The following KIAA1958 variants were observed in gnomAD, a reference collection of about 807,000 sequenced individuals.
KIAA1958 encodes KIAA1958.
A neutral mutation model predicts 47.2 loss-of-function variants in KIAA1958; 14 were observed. The observed-to-expected ratio is 0.30, with a 90% CI of 0.20 to 0.46. The LOEUF is 0.46. Ranked by LOEUF, KIAA1958 falls within the 20% of genes least tolerant of loss-of-function variation. KIAA1958 has a pLI of 1.00. For missense variants in KIAA1958, 803 were observed against 909.2 expected (o/e 0.88, Z 1.50); for synonymous variants, 354 against 353.3 (o/e 1.00, Z -0.02).
intron 2 of KIAA1958, among the ~76,000 whole-genome samples, chr9:112,643,070 G>A (rs942086009): frequency 2.0e-5 from 3 of 152,208 alleles, no homozygotes; most frequent in African/African-American, 7.2e-5. Flanking sequence ...AACAAAGCAG[G>A]CTTAGTTATT....
At chr9:112,523,134 C>CCA in intron 1 of KIAA1958, among the ~76,000 whole-genome samples, 2 of 152,254 alleles carry the variant, frequency 1.3e-5, no homozygotes, top group South Asian at 4.2e-4. Flanking sequence ...ACTTATGATT[C>CCA]CTTATTTGAG....
intron 3 of KIAA1958, among the ~76,000 whole-genome samples, chr9:112,658,446 GCAAA>G (rs1837192318): frequency 6.6e-6 from 1 of 152,130 alleles, no homozygotes; most frequent in African/African-American, 2.4e-5. Context: ...CAAATGATTT[GCAAA>G]CAAAGAAAAC....
intron 3 of KIAA1958, among the ~76,000 whole-genome samples, chr9:112,654,190 A>G (rs976086004): frequency 1.3e-5 from 2 of 152,246 alleles, no homozygotes; most frequent in African/African-American, 4.8e-5. Context: ...TCAAGGGCAC[A>G]GGAAACTATC....
chr9:112,590,044 A>G (rs1032633977), intron 2 of KIAA1958, among the ~76,000 whole-genome samples: 46 of 152,148 alleles, frequency 3.0e-4, no homozygotes, highest in Non-Finnish European at 3.8e-4. Context: ...TCCACCTTGG[A>G]TGCAGCCCCT....
chr9:112,578,370 G>T (rs954333704), intron 2 of KIAA1958, among the ~76,000 whole-genome samples: 1 of 152,138 alleles, frequency 6.6e-6, no homozygotes, highest in Admixed American at 6.5e-5. Flanking sequence ...TATGTAAAGC[G>T]TACTTGGGAC....
At position 112,539,817 on chromosome 9, in the gene KIAA1958, A is replaced by T. The variant is rs369264060; in HGVS notation, c.-24-34240A>T. ...GTGATTCTCCTGCCTCAACCTCCTG[A>T]GTAGCTGGGATTACAAGCATGCCCC... On this transcript the variant is annotated intron_variant, in intron 1 of 3. Transcript: ENST00000337530. 4.0e-5 allele frequency among the ~76,000 whole-genome samples: 6 copies of T among 151,280 alleles called. No individual in the cohort carries two copies. The South Asian group carries it at 1.3e-3, about 32-fold the overall frequency.
rs1836962486 is a variant in KIAA1958 at position 112,645,656 on chromosome 9, C to A, written c.1178C>A (p.Ser393Tyr). 1 of 1,590,490 alleles carries A rather than the reference C, an allele frequency of 6.3e-7. No homozygotes were observed. Among genetic ancestry groups the A allele is most frequent in the Non-Finnish European group, 8.6e-7 (1 of 1,163,770 alleles). Residue 393 changes from serine (S) to tyrosine (Y), a missense_variant, in exon 3 of 4, where the codon TCC (serine) becomes TAC (tyrosine). Physicochemically the swap from Ser to Tyr is moderately radical, Grantham distance 144 (BLOSUM62 -2). Around this residue, in one of 2 missense-constraint regions of KIAA1958, gnomAD observed 761 missense variants for 829.3 expected, o/e 0.92. Coordinates refer to ENST00000337530, the MANE Select transcript of KIAA1958 (RefSeq NM_133465.4). ...TTATTGTTTTTATTTCTAGCTTATT[C>A]CACTAAGCTCAACAAATTTCCTGTA... Reference protein sequence around the residue: ...EATAQCIPAYSTKLNKFPVFN... With the variant: ...EATAQCIPAYYTKLNKFPVFN...
intron 1 of KIAA1958, among the ~76,000 whole-genome samples, chr9:112,512,702 C>T (rs1434181799): frequency 6.6e-6 from 1 of 151,602 alleles, no homozygotes; most frequent in Admixed American, 6.6e-5. Context: ...CCTTGGCTAC[C>T]TGGAGCTTAG....
At chr9:112,595,563 G>A (rs1836006843) in intron 2 of KIAA1958, among the ~76,000 whole-genome samples, 1 of 151,726 alleles carries the variant, frequency 6.6e-6, no homozygotes, top group Non-Finnish European at 1.5e-5. Flanking sequence ...GGGGTGGGGT[G>A]GGGGTAGGCG....
At chr9:112,537,896 G>T (rs1228784620) in intron 1 of KIAA1958, among the ~76,000 whole-genome samples, 2 of 152,188 alleles carry the variant, frequency 1.3e-5, no homozygotes, top group Non-Finnish European at 2.9e-5. Flanking sequence ...AAAAAAGTTG[G>T]AAAGAATGGC....
intron 2 of KIAA1958, among the ~76,000 whole-genome samples, chr9:112,606,044 C>G (rs767283568): frequency 6.6e-6 from 1 of 152,172 alleles, no homozygotes; most frequent in Admixed American, 6.5e-5. Context: ...CTACTTAATT[C>G]CTGACATGTA....
intron 2 of KIAA1958, among the ~76,000 whole-genome samples, chr9:112,639,188 A>G (rs1445557146): frequency 6.6e-6 from 1 of 152,172 alleles, no homozygotes; most frequent in Non-Finnish European, 1.5e-5. Context: ...TTGCCCTAAC[A>G]GTGTCTTTTA....
At chr9:112,602,312 G>A (rs533117226) in intron 2 of KIAA1958, among the ~76,000 whole-genome samples, 1 of 152,158 alleles carries the variant, frequency 6.6e-6, no homozygotes, top group Admixed American at 6.6e-5. Context: ...TATGATTTTT[G>A]TAACCACTAA....
intron 2 of KIAA1958, among the ~76,000 whole-genome samples, chr9:112,623,418 C>T (rs1249926636): frequency 6.6e-6 from 1 of 152,166 alleles, no homozygotes. Flanking sequence ...AGATCCAGAT[C>T]CCATTAAGCA....
At chr9:112,530,983 A>C (rs1359446966) in intron 1 of KIAA1958, among the ~76,000 whole-genome samples, 2 of 152,258 alleles carry the variant, frequency 1.3e-5, no homozygotes, top group African/African-American at 4.8e-5. Context: ...TGTTCAGCTT[A>C]TTCTGAGTTA....
Position 112,641,565 on chromosome 9 carries a change from T to C in KIAA1958, c.1172-4085T>C, listed in dbSNP as rs531058870. 2.0e-5 allele frequency among the ~76,000 whole-genome samples: 3 copies of C among 152,244 alleles called. No individual in the cohort carries two copies. The East Asian group carries it at 5.8e-4, about 29-fold the overall frequency. On this transcript the variant is annotated intron_variant, in intron 2 of 3. Coordinates refer to ENST00000337530, the MANE Select transcript of KIAA1958 (RefSeq NM_133465.4). ...TCATGAACCTTAATATCCTAAAGTT[T>C]CAAATCTTTCTTTGATTAATGGAAC...
chr9:112,558,474 G>T (rs1835278959), intron 1 of KIAA1958, among the ~76,000 whole-genome samples: 1 of 152,038 alleles, frequency 6.6e-6, no homozygotes. Flanking sequence ...AAATTCTTTT[G>T]CATTTCTCAG....
chr9:112,513,215 G>A (rs1250334441), intron 1 of KIAA1958, among the ~76,000 whole-genome samples: 1 of 129,628 alleles, frequency 7.7e-6, no homozygotes, highest in Non-Finnish European at 1.6e-5. Context: ...ATGTTGGCCA[G>A]GCTGGTCTGG....
chr9:112,621,995 G>T (rs1836517333), intron 2 of KIAA1958, among the ~76,000 whole-genome samples: 1 of 152,108 alleles, frequency 6.6e-6, no homozygotes, highest in Admixed American at 6.5e-5. Context: ...TCCTGCCTTG[G>T]CCTCCCAAAG....
Sources: allele counts gnomAD v4.1 joint callset (sites outside exome capture counted in the v4.1 genomes callset), GRCh38; gene constraint gnomAD v4.1.1; regional missense constraint gnomAD v4.1.1; transcripts MANE v1.5; gene names NCBI Gene and HGNC (gene_info 2026-07-23, HGNC 2026-07-21).